NAALADL2: variants seen among roughly 807,000 people sequenced by gnomAD.
The protein encoded by NAALADL2 is inactive N-acetylated-alpha-linked acidic dipeptidase-like protein 2.
Under a neutral mutation model 87.2 loss-of-function variants are expected in NAALADL2, and 76 were observed. The observed-to-expected ratio is 0.87, with a 90% confidence interval of 0.72 to 1.05. The LOEUF is 1.05. Ranked by LOEUF, NAALADL2 falls within the 50% of genes least tolerant of loss-of-function variation. The pLI is 0.00. For missense variants in NAALADL2, 1,089 were observed against 945.8 expected, an observed-to-expected ratio of 1.15 and a Z score of -1.99; for synonymous variants, 354 against 331.0, an observed-to-expected ratio of 1.07 and a Z score of -0.75.
chr3:175,024,930 C>T (rs1752029914), intron 1 of NAALADL2, among the ~76,000 whole-genome samples: 1 of 151,944 alleles, frequency 6.6e-6, no homozygotes, highest in African/African-American at 2.4e-5. Flanking sequence ...GGCATACAAA[C>T]AGCATTTCAT....
intron 2 of NAALADL2, among the ~76,000 whole-genome samples, chr3:174,662,957 A>C (rs1201374647): frequency 6.6e-6 from 1 of 152,198 alleles, no homozygotes; most frequent in Non-Finnish European, 1.5e-5. Context: ...TCATCTATCA[A>C]ACAAAGCAGG....
At chr3:175,119,884 A>G (rs998729538) in intron 2 of NAALADL2, among the ~76,000 whole-genome samples, 6 of 117,658 alleles carry the variant, frequency 5.1e-5, no homozygotes, top group African/African-American at 1.3e-4. Context: ...GTGTATATAT[A>G]TACATATATA....
intron 3 of NAALADL2, among the ~76,000 whole-genome samples, chr3:174,757,495 T>C (rs1712264015): frequency 6.6e-6 from 1 of 152,006 alleles, no homozygotes; most frequent in South Asian, 2.1e-4. Flanking sequence ...GAGATAACTT[T>C]TCTTTTTTTT....
chr3:175,541,057 A>T (rs752326646), intron 9 of NAALADL2, among the ~76,000 whole-genome samples: 1 of 152,182 alleles, frequency 6.6e-6, no homozygotes, highest in Non-Finnish European at 1.5e-5. Context: ...TCAGATGAAG[A>T]CCTCAAGCAG....
intron 2 of NAALADL2, among the ~76,000 whole-genome samples, chr3:174,717,788 A>T (rs1045001970): frequency 6.6e-6 from 1 of 151,982 alleles, no homozygotes; most frequent in African/African-American, 2.4e-5. Flanking sequence ...TCCTGAGTCC[A>T]TTGATATATG....
chr3:175,150,508 G>A lies in NAALADL2; in HGVS notation c.545+53217G>A, dbSNP rs915344221. 1.4e-4 allele frequency among the ~76,000 whole-genome samples: 21 copies of A among 152,228 alleles called. 1 individual carries two copies. Among genetic ancestry groups the A allele is most frequent in the Admixed American group, 9.2e-4 (14 of 15,264 alleles). Reference sequence around the variant, plus strand: ...GTCTTTTGGAGCAATATCTTATATGGTGAGTGCACCCACAAAAATAGTTGT... The same window carrying A: ...GTCTTTTGGAGCAATATCTTATATGATGAGTGCACCCACAAAAATAGTTGT... On this transcript the variant is annotated intron_variant, in intron 2 of 13. Coordinates refer to ENST00000454872, the MANE Select transcript of NAALADL2 (RefSeq NM_207015.3).
At chr3:174,882,353 A>G (rs1255878455) in intron 1 of NAALADL2, among the ~76,000 whole-genome samples, 2 of 151,910 alleles carry the variant, frequency 1.3e-5, no homozygotes, top group Non-Finnish European at 2.9e-5. Flanking sequence ...AAAAGGACAC[A>G]AAATAGTTAA....
chr3:175,660,665 T>C (rs543087396), intron 11 of NAALADL2, among the ~76,000 whole-genome samples: 1 of 152,170 alleles, frequency 6.6e-6, no homozygotes, highest in African/African-American at 2.4e-5. Context: ...TTTCTACCCT[T>C]TTCCCTTCCC....
intron 9 of NAALADL2, among the ~76,000 whole-genome samples, chr3:175,570,018 A>G (rs1717804440): frequency 1.3e-5 from 2 of 152,202 alleles, no homozygotes; most frequent in Admixed American, 1.3e-4. Flanking sequence ...GGAAAGATAC[A>G]GAGCTAAGAG....
intron 11 of NAALADL2, among the ~76,000 whole-genome samples, chr3:175,671,178 A>G (rs1733960623): frequency 6.6e-6 from 1 of 151,600 alleles, no homozygotes; most frequent in African/African-American, 2.4e-5. Context: ...AAGGAAGTGA[A>G]AAAAATAACT....
chr3:174,985,750 C>T (rs1217685804), intron 1 of NAALADL2, among the ~76,000 whole-genome samples: 3 of 151,970 alleles, frequency 2.0e-5, no homozygotes, highest in Admixed American at 6.6e-5. Flanking sequence ...GTCGGGAGTT[C>T]GAGACCAGCC....
Position 175,295,255 on chromosome 3 carries a change from A to G in NAALADL2, c.940-28920A>G, listed in dbSNP as rs560730626. 5.9e-5 allele frequency among the ~76,000 whole-genome samples: 9 copies of G among 152,260 alleles called. No individual in the cohort carries two copies. In the East Asian group the frequency reaches 1.5e-3, roughly 26 times the overall value. On this transcript the variant is annotated intron_variant, in intron 4 of 13. Transcript: ENST00000454872. Reference sequence around the variant, plus strand: ...TTCATCCTACAGAGGACTAGCGTTGACCTTATACCAAAGTTGGCCAAGTGG... The same window carrying G: ...TTCATCCTACAGAGGACTAGCGTTGGCCTTATACCAAAGTTGGCCAAGTGG...
intron 9 of NAALADL2, among the ~76,000 whole-genome samples, chr3:175,560,235 GC>G (rs1324435515): frequency 6.6e-6 from 1 of 152,080 alleles, no homozygotes; most frequent in African/African-American, 2.4e-5. Context: ...GATCATAGTA[GC>G]CACTAATGAT....
At chr3:175,449,062 T>A (rs1721124609) in intron 6 of NAALADL2, among the ~76,000 whole-genome samples, 1 of 152,118 alleles carries the variant, frequency 6.6e-6, no homozygotes, top group South Asian at 2.1e-4. Flanking sequence ...TTAAGAAGTA[T>A]CTTTGTTATC....
chr3:175,478,875 G>T (rs1416319548), intron 9 of NAALADL2, among the ~76,000 whole-genome samples: 1 of 151,736 alleles, frequency 6.6e-6, no homozygotes, highest in African/African-American at 2.4e-5. Context: ...ATAAATTGTT[G>T]CTCTATTTCC....
chr3:175,058,666 A>T (rs1712758616), intron 1 of NAALADL2, among the ~76,000 whole-genome samples: 1 of 152,174 alleles, frequency 6.6e-6, no homozygotes, highest in Non-Finnish European at 1.5e-5. Context: ...TGTCTGTGGG[A>T]GCAAGACATC....
In NAALADL2 at chr3:175,100,028, TATATG is replaced by T. The variant is rs1319142006; in HGVS notation, c.545+2742_545+2746del. 4.6e-5 allele frequency among the ~76,000 whole-genome samples: 7 copies of T among 150,660 alleles called. No homozygotes were observed. In the South Asian group the frequency reaches 6.2e-4, roughly 13 times the overall value. On this transcript the variant is annotated intron_variant, in intron 2 of 13. Coordinates refer to ENST00000454872, the MANE Select transcript of NAALADL2 (RefSeq NM_207015.3). The stretch of plus-strand genomic sequence containing the variant: ...AATATTATGAACATAGTATTTATAT[TATATG>T]ATATAATTATTTTAAGTTATATAAT...
At chr3:175,532,758 G>T (rs896396999) in intron 9 of NAALADL2, among the ~76,000 whole-genome samples, 8 of 152,162 alleles carry the variant, frequency 5.3e-5, no homozygotes, top group African/African-American at 1.9e-4. Context: ...TCCAATTATT[G>T]CCATTGTATT....
intron 2 of NAALADL2, among the ~76,000 whole-genome samples, chr3:174,565,281 C>T (rs1714122916): frequency 6.6e-6 from 1 of 152,052 alleles, no homozygotes; most frequent in African/African-American, 2.4e-5. Flanking sequence ...CAATACCACA[C>T]AGTATAGTTT....
Sources: allele counts gnomAD v4.1 joint callset (sites outside exome capture counted in the v4.1 genomes callset), GRCh38; gene constraint gnomAD v4.1.1; transcripts MANE v1.5; gene names NCBI Gene and HGNC (gene_info 2026-07-23, HGNC 2026-07-21).